NUTM1: variants seen among roughly 807,000 people sequenced by gnomAD.
NUTM1 encodes NUT midline carcinoma family member 1.
In NUTM1, 39 loss-of-function variants were observed where a neutral mutation model predicts 88.7. The observed-to-expected ratio is 0.44, with a 90% CI of 0.34 to 0.57. The LOEUF (loss-of-function observed/expected upper bound fraction) is 0.57. Ranked by LOEUF, NUTM1 falls within the 20% of genes least tolerant of loss-of-function variation. The probability of loss-of-function intolerance (pLI) is 0.01; values close to 1 mark genes in which losing one functional copy is unlikely to be tolerated. For synonymous variants in NUTM1, 494 were observed against 538.0 expected, an observed-to-expected ratio of 0.92 and a Z score of 1.13; for missense variants, 1,350 against 1,414.5, an observed-to-expected ratio of 0.95 and a Z score of 0.73.
At position 34,357,203 on chromosome 15, in the gene NUTM1, C is replaced by T; in HGVS notation, c.3195C>T (p.Leu1065=). 1 of 1,614,210 alleles carries T rather than the reference C, an allele frequency of 6.2e-7. No homozygotes were observed. Among genetic ancestry groups the T allele is most frequent in the Non-Finnish European group, 8.5e-7 (1 of 1,180,040 alleles). ...GCCTCTCACCAAGGGAGCATCCCCT[C>T]AGTCCTCACCATGCCTCAGGAGGTC... ...KLSLSPREHP[L]SPHHASGGQG... is the part of the protein sequence containing the mutation. Residue 1065 remains leucine (L), a synonymous_variant, in exon 8 of 8, where the codon CTC becomes CTT. Transcript: ENST00000537011.
chr15:34,348,390 G>A lies in NUTM1; in HGVS notation c.522G>A (p.Lys174=). ...ASNVKTILPS[K]AVGVSQEGPP... is the part of the protein sequence containing the mutation. ...ATGTGAAGACCATTCTGCCCTCTAAGGCTGTTGGTGTCAGCCAGGAGGGTC... is the reference window on the plus strand; with the variant it reads ...ATGTGAAGACCATTCTGCCCTCTAAAGCTGTTGGTGTCAGCCAGGAGGGTC... The change falls in exon 3 of 8, where the codon AAG becomes AAA. Residue 174 remains lysine (K), a synonymous_variant. Transcript: ENST00000537011. 1 of 1,614,212 alleles carries A rather than the reference G, an allele frequency of 6.2e-7. No individual in the cohort carries two copies. Among genetic ancestry groups the A allele is most frequent in the Non-Finnish European group, 8.5e-7 (1 of 1,180,032 alleles).
chr15:34,357,644 A>G lies in NUTM1; in HGVS notation c.*153A>G, dbSNP rs567851082. 1.1e-5 allele frequency: 16 copies of G among 1,416,842 alleles called. No homozygotes were observed. In the South Asian group the frequency reaches 1.8e-4, roughly 16 times the overall value. The allele number at this position is 1,416,842 out of a possible 1,614,324, so 87.8% of individuals were successfully genotyped here. ...TTCTGCAAAAGTGGCAAGCATGGAG[A>G]GAGAGGTCAGACTGGCTAGGCTGCA... On this transcript the variant is annotated 3_prime_UTR_variant, in exon 8 of 8. Coordinates refer to ENST00000537011, the MANE Select transcript of NUTM1 (RefSeq NM_001284292.2).
intron 3 of NUTM1, 152 bp from the exon 4 acceptor site, chr15:34,350,552 C>T (rs564297826): frequency 5.2e-6 from 4 of 769,036 alleles, no homozygotes; most frequent in South Asian, 4.6e-5. Flanking sequence ...GGAGGTTGAG[C>T]GTCTGTAAGT....
Position 34,345,950 on chromosome 15 carries a change from G to C in NUTM1, c.15G>C (p.Leu5=). Reference sequence around the variant, plus strand: ...GCACCTACTGGAGCCAGGTTACTCTGGGTCCTGGACCTGACTGCCTCATTC... The same window carrying C: ...GCACCTACTGGAGCCAGGTTACTCTCGGTCCTGGACCTGACTGCCTCATTC... MVVT[L]GPGPDCLILE... Residue 5 remains leucine, a synonymous_variant, in exon 2 of 8, where the codon CTG becomes CTC. Transcript: ENST00000537011. 6.2e-7 allele frequency: 1 copy of C among 1,614,052 alleles called. No homozygotes were observed. The highest frequency in any genetic ancestry group is 1.1e-5 in the South Asian group (1 of 91,060).
rs756579671 is a variant in NUTM1 at position 34,348,052 on chromosome 15, A to G, written c.184A>G (p.Thr62Ala). The change falls in exon 3 of 8, where the codon ACT (threonine) becomes GCT (alanine). Residue 62 changes from threonine (T) to alanine (A), a missense_variant. Thr to Ala is a moderately conservative substitution (Grantham distance 58). Coordinates refer to ENST00000537011, the MANE Select transcript of NUTM1 (RefSeq NM_001284292.2). ...CCCTGCACTTCCCTTTCTCCCACCAACTTCTGACCCACCAGACCACCCACC... is the reference window on the plus strand; with the variant it reads ...CCCTGCACTTCCCTTTCTCCCACCAGCTTCTGACCCACCAGACCACCCACC... Reference protein sequence around the residue: ...PSPALPFLPPTSDPPDHPPRE... With the variant: ...PSPALPFLPPASDPPDHPPRE... 4 of 1,613,616 alleles carry G rather than the reference A, an allele frequency of 2.5e-6. No homozygotes were observed. The highest frequency in any genetic ancestry group is 3.4e-6 in the Non-Finnish European group (4 of 1,179,896).
intron 4 of NUTM1, 52 bp from the exon 5 acceptor site, chr15:34,353,684 A>G (rs1418374248): frequency 1.9e-6 from 3 of 1,598,444 alleles, no homozygotes; most frequent in Non-Finnish European, 2.6e-6. Context: ...TGGATTTCTG[A>G]TGGGTCTGGT....
intron 4 of NUTM1, among the ~76,000 whole-genome samples, chr15:34,351,318 T>G (rs1031259584): frequency 3.0e-5 from 3 of 101,238 alleles, no homozygotes; most frequent in African/African-American, 4.0e-5. Flanking sequence ...GAGGCTAAGG[T>G]GGGAGGATGG....
At chr15:34,351,686 G>A (rs1276412444) in intron 4 of NUTM1, among the ~76,000 whole-genome samples, 1 of 152,104 alleles carries the variant, frequency 6.6e-6, no homozygotes, top group Non-Finnish European at 1.5e-5. Flanking sequence ...CATTGACTTG[G>A]TAGCAAGTGG....
In NUTM1 at chr15:34,346,881, T is replaced by TAAAAAAAAAA. The variant is rs10671676; in HGVS notation, c.100+863_100+872dup. Among the ~76,000 whole-genome samples, 292 of 34,322 alleles carry TAAAAAAAAAA rather than the reference T, an allele frequency of 8.5e-3. 120 individuals are homozygous for TAAAAAAAAAA. The highest frequency in any genetic ancestry group is 0.061 in the East Asian group (54 of 892). 22.5% of individuals were successfully genotyped at this position (34,322 alleles called of 152,430 possible). On this transcript the variant is annotated intron_variant, in intron 2 of 7. Coordinates refer to ENST00000537011, the MANE Select transcript of NUTM1 (RefSeq NM_001284292.2). ...ATGGGCCACAGAGCAAGACTCCATC[T>TAAAAAAAAAA]AAAAAAAAAAAAAAAAAAAAAAAAA...
At chr15:34,351,058 A>G (rs1311438935) in intron 4 of NUTM1, among the ~76,000 whole-genome samples, 1 of 144,940 alleles carries the variant, frequency 6.9e-6, no homozygotes, top group Non-Finnish European at 1.5e-5. Context: ...GTCTCTACTA[A>G]AAAAAAAAAA....
At chr15:34,347,940 C>G (rs760221691) in intron 2 of NUTM1, 29 bp from the exon 3 acceptor site, 2 of 1,424,670 alleles carry the variant, frequency 1.4e-6, no homozygotes, top group Non-Finnish European at 9.7e-7. Context: ...TTCTCCTACT[C>G]CATTTCTTCT....
In NUTM1 at chr15:34,345,789, T is replaced by C; in HGVS notation, c.7-153T>C. 4.6e-6 allele frequency: 5 copies of C among 1,098,144 alleles called. No homozygotes were observed. The South Asian group carries it at 8.6e-5, about 19-fold the overall frequency. The allele number at this position is 1,098,144 out of a possible 1,614,324, so 68.0% of individuals were successfully genotyped here. A position where few individuals can be genotyped will look rare whatever the true frequency, so the allele number is the denominator to read the frequency against. ...GAATTCCTGGTTTTTTCATACTTAC[T>C]AGAACCCTTCATGGAATATCTGTCC... On this transcript the variant is annotated intron_variant, in intron 1 of 7. Coordinates refer to ENST00000537011, the MANE Select transcript of NUTM1 (RefSeq NM_001284292.2).
intron 2 of NUTM1, among the ~76,000 whole-genome samples, chr15:34,347,596 G>A (rs1364693621): frequency 7.3e-5 from 11 of 151,612 alleles, no homozygotes; most frequent in Non-Finnish European, 2.9e-5. Context: ...GAATTCACCT[G>A]TAATCCCAGC....
At chr15:34,352,047 G>A (rs569321223) in intron 4 of NUTM1, among the ~76,000 whole-genome samples, 1 of 152,288 alleles carries the variant, frequency 6.6e-6, no homozygotes, top group Non-Finnish European at 1.5e-5. Context: ...GCGCATGCCT[G>A]TAATCCCAGC....
chr15:34,351,872 TAA>T (rs11407280), intron 4 of NUTM1, among the ~76,000 whole-genome samples: 5 of 138,324 alleles, frequency 3.6e-5, no homozygotes, highest in East Asian at 2.1e-4. Flanking sequence ...TATCTTTGAT[TAA>T]AAAAAAAAAA....
chr15:34,350,633 T>C, intron 3 of NUTM1, 71 bp from the exon 4 acceptor site: 3 of 1,552,544 alleles, frequency 1.9e-6, no homozygotes, highest in Admixed American at 3.8e-5. Flanking sequence ...GGATGTGTTA[T>C]TGATGTAGGT....
chr15:34,343,343 A>G lies in NUTM1; in HGVS notation c.-354A>G, dbSNP rs1890520679. Reference sequence around the variant, plus strand: ...CTGTGTGCTAGGTACACGGCGTTAGAGGGGGGTAGGGATGGATGTGGATAG... The same window carrying G: ...CTGTGTGCTAGGTACACGGCGTTAGGGGGGGGTAGGGATGGATGTGGATAG... On this transcript the variant is annotated 5_prime_UTR_variant, in exon 1 of 8. Transcript: ENST00000537011. The G allele has an allele frequency of 1.6e-6, 1 of 616,034 alleles. No individual in the cohort carries two copies. Among genetic ancestry groups the G allele is most frequent in the Middle Eastern group, 4.3e-4 (1 of 2,316 alleles). 38.2% of individuals were successfully genotyped at this position (616,034 alleles called of 1,614,324 possible).
Position 34,356,048 on chromosome 15 carries a change from A to T in NUTM1, c.2040A>T (p.Glu680Asp). ...CTCCTCTGCAAGGACAAGGGTTAGAAAAGCAAGTCCTGGGATTGCAGAAAG... is the reference window on the plus strand; with the variant it reads ...CTCCTCTGCAAGGACAAGGGTTAGATAAGCAAGTCCTGGGATTGCAGAAAG... ...ELAPLQGQGL[E>D]KQVLGLQKGQ... Residue 680 changes from glutamate (E) to aspartate (D), a missense_variant, in exon 8 of 8, where the codon GAA (glutamate) becomes GAT (aspartate). Glu to Asp is a conservative substitution (Grantham distance 45). Transcript: ENST00000537011. The T allele has an allele frequency of 4.3e-6, 7 of 1,614,148 alleles. No individual in the cohort carries two copies. The highest frequency in any genetic ancestry group is 5.9e-6 in the Non-Finnish European group (7 of 1,179,994).
At position 34,345,544 on chromosome 15, in the gene NUTM1, A is replaced by G. The variant is rs79212961; in HGVS notation, c.7-398A>G. ...ATTTAGTTCAGAAAATATAGCCATCATTGAATTAAGTCAGGGGTCTACAGT... is the reference window on the plus strand; with the variant it reads ...ATTTAGTTCAGAAAATATAGCCATCGTTGAATTAAGTCAGGGGTCTACAGT... On this transcript the variant is annotated intron_variant, in intron 1 of 7. Transcript: ENST00000537011. 3.9e-4 allele frequency among the ~76,000 whole-genome samples: 60 copies of G among 152,332 alleles called. 2 individuals carry two copies. The East Asian group carries it at 0.011, about 28-fold the overall frequency.
Sources: allele counts gnomAD v4.1 joint callset (sites outside exome capture counted in the v4.1 genomes callset), GRCh38; gene constraint gnomAD v4.1.1; transcripts MANE v1.5; gene names NCBI Gene and HGNC (gene_info 2026-07-23, HGNC 2026-07-21).